Variants in TSPAN17 observed in about 807,000 individuals in gnomAD.
TSPAN17 encodes the protein tetraspanin 17.
A neutral mutation model predicts 40.5 loss-of-function variants in TSPAN17; 33 were observed. The ratio of observed to expected loss-of-function variants is 0.81; its 90% CI spans 0.62 to 1.09. TSPAN17 has a LOEUF of 1.09. Among genes scored for constraint, TSPAN17 ranks in the 50% least tolerant of loss-of-function variants. The probability of loss-of-function intolerance (pLI) is 0.00; values close to 1 mark genes in which losing one functional copy is unlikely to be tolerated. For synonymous variants in TSPAN17, 166 were observed against 169.4 expected (o/e 0.98, Z 0.15); for missense variants, 365 against 416.8 (o/e 0.88, Z 1.08).
At position 176,651,994 on chromosome 5, in the gene TSPAN17, AT is replaced by A; in HGVS notation, c.285+96del. On this transcript the variant is annotated intron_variant, in intron 3 of 8. Coordinates refer to ENST00000508164, the MANE Select transcript of TSPAN17 (RefSeq NM_130465.5). This position sits in a 1 kb window ranked among gnomAD's most constrained non-coding sequence, Gnocchi z 4.5. Reference sequence around the variant, plus strand: ...GAGCTTAATGATGGGTAGCTTTATTATTATGCTATAATCGTCATCGTTAGAT... The same window carrying A: ...GAGCTTAATGATGGGTAGCTTTATTATATGCTATAATCGTCATCGTTAGAT... 6.7e-7 allele frequency: 1 copy of A among 1,502,060 alleles called. No homozygotes were observed. Among genetic ancestry groups the A allele is most frequent in the Non-Finnish European group, 9.1e-7 (1 of 1,104,328 alleles). The allele number at this position is 1,502,060 out of a possible 1,614,324, so 93.0% of individuals were successfully genotyped here. A position where few individuals can be genotyped will look rare whatever the true frequency, so the allele number is the denominator to read the frequency against.
Position 176,654,699 on chromosome 5 carries a change from C to T in TSPAN17, c.457-196C>T. The T allele has an allele frequency of 1.6e-6, 1 of 616,358 alleles. No individual in the cohort carries two copies. The highest frequency in any genetic ancestry group is 2.8e-6 in the Non-Finnish European group (1 of 358,500). The allele number at this position is 616,358 out of a possible 1,614,324, so 38.2% of individuals were successfully genotyped here. A position where few individuals can be genotyped will look rare whatever the true frequency, so the allele number is the denominator to read the frequency against. Reference sequence around the variant, plus strand: ...CGGGGAAGGGGGAGCTCAGTGTCCCCTCCCTTGCACCCCTCTGCCTCCACC... The same window carrying T: ...CGGGGAAGGGGGAGCTCAGTGTCCCTTCCCTTGCACCCCTCTGCCTCCACC... On this transcript the variant is annotated intron_variant, in intron 4 of 8. Transcript: ENST00000508164. The surrounding 1 kb of genome is among the most constrained non-coding windows in gnomAD (Gnocchi z 4.3).
chr5:176,656,123 C>A lies in TSPAN17; in HGVS notation c.628C>A (p.Leu210Met), dbSNP rs1163355920. ...TQCGYDVRLK[L>M]ELEQQGFIHT... ...GTGTGGCTACGACGTCCGGCTCAAA[C>A]TGGTGAGAGGGGTAGGAACCGGGCT... Residue 210 changes from leucine (L) to methionine (M), a missense_variant and splice_region_variant, in exon 6 of 9, where the codon CTG becomes ATG. Leu to Met is a conservative substitution (Grantham distance 15, BLOSUM62 2). Transcript: ENST00000508164. 5 of 1,614,140 alleles carry A rather than the reference C, an allele frequency of 3.1e-6. No homozygotes were observed. The highest frequency in any genetic ancestry group is 4.2e-6 in the Non-Finnish European group (5 of 1,180,012).
intron 4 of TSPAN17, 29 bp downstream of exon 4, chr5:176,652,942 T>C: frequency 6.2e-7 from 1 of 1,608,882 alleles, no homozygotes; most frequent in Non-Finnish European, 8.5e-7. Flanking sequence ...CTGGGACACC[T>C]GTAGGAGGCG....
In TSPAN17 at chr5:176,657,977, A is replaced by T; in HGVS notation, c.*279A>T. 1 of 352,684 alleles carries T rather than the reference A, an allele frequency of 2.8e-6. No homozygotes were observed. The allele number at this position is 352,684 out of a possible 1,614,324, so 21.8% of individuals were successfully genotyped here. A position where few individuals can be genotyped will look rare whatever the true frequency, so the allele number is the denominator to read the frequency against. On this transcript the variant is annotated 3_prime_UTR_variant, in exon 9 of 9. Coordinates refer to ENST00000508164, the MANE Select transcript of TSPAN17 (RefSeq NM_130465.5). ...GGAGAGGCTGGACCCCGCTTTGAAGAGGGTGCAGCCTGGGAAGGGCGGCCT... is the reference window on the plus strand; with the variant it reads ...GGAGAGGCTGGACCCCGCTTTGAAGTGGGTGCAGCCTGGGAAGGGCGGCCT...
At position 176,657,903 on chromosome 5, in the gene TSPAN17, C is replaced by A; in HGVS notation, c.*205C>A. On this transcript the variant is annotated 3_prime_UTR_variant, in exon 9 of 9. Transcript: ENST00000508164. Reference sequence around the variant, plus strand: ...CTCTGCAGGGTTATTCCCTGCACCTCGAGGCCGCTGCGGGCCAATCTGGAG... The same window carrying A: ...CTCTGCAGGGTTATTCCCTGCACCTAGAGGCCGCTGCGGGCCAATCTGGAG... The A allele has an allele frequency of 1.1e-6, 1 of 881,362 alleles. No individual in the cohort carries two copies. The highest frequency in any genetic ancestry group is 1.6e-6 in the Non-Finnish European group (1 of 628,838). The allele number at this position is 881,362 out of a possible 1,614,324, so 54.6% of individuals were successfully genotyped here. A position where few individuals can be genotyped will look rare whatever the true frequency, so the allele number is the denominator to read the frequency against.
chr5:176,652,842 A>T lies in TSPAN17; in HGVS notation c.385A>T (p.Ile129Phe). The change falls in exon 4 of 9, where the codon ATC becomes TTC. Residue 129 changes from isoleucine to phenylalanine, a missense_variant. Coordinates refer to ENST00000508164, the MANE Select transcript of TSPAN17 (RefSeq NM_130465.5). Reference protein sequence around the residue: ...DWIRDQLNLFINNNVKAYRDD... With the variant: ...DWIRDQLNLFFNNNVKAYRDD... ...GATTCGAGACCAGCTCAACCTCTTCATCAACAACAACGTCAAGGCCTACCG... is the reference window on the plus strand; with the variant it reads ...GATTCGAGACCAGCTCAACCTCTTCTTCAACAACAACGTCAAGGCCTACCG... 6.2e-7 allele frequency: 1 copy of T among 1,614,126 alleles called. No homozygotes were observed. Among genetic ancestry groups the T allele is most frequent in the Non-Finnish European group, 8.5e-7 (1 of 1,180,008 alleles).
Position 176,647,630 on chromosome 5 carries a change from C to T in TSPAN17, c.15C>T (p.His5=), listed in dbSNP as rs774320103. The change falls in exon 1 of 9, where the codon CAC becomes CAT. Residue 5 remains histidine, a synonymous_variant. Coordinates refer to ENST00000508164, the MANE Select transcript of TSPAN17 (RefSeq NM_130465.5). ...GGCCGCTCACCATGCCCGGCAAGCACCAGCATTTCCAGGAACCTGAGGTCG... is the reference window on the plus strand; with the variant it reads ...GGCCGCTCACCATGCCCGGCAAGCATCAGCATTTCCAGGAACCTGAGGTCG... MPGK[H]QHFQEPEVGC... 6.9e-6 allele frequency: 11 copies of T among 1,588,512 alleles called. No homozygotes were observed. The South Asian group carries it at 1.1e-4, about 17-fold the overall frequency.
intron 1 of TSPAN17, among the ~76,000 whole-genome samples, chr5:176,649,548 C>T (rs915030462): frequency 3.3e-5 from 5 of 152,072 alleles, no homozygotes; most frequent in Non-Finnish European, 7.4e-5. Context: ...CTGCCTCAGC[C>T]TCCCAAGTAG....
In TSPAN17 at chr5:176,654,721, C is replaced by T; in HGVS notation, c.457-174C>T. On this transcript the variant is annotated intron_variant, in intron 4 of 8. Transcript: ENST00000508164. The surrounding 1 kb of genome is among the most constrained non-coding windows in gnomAD (Gnocchi z 4.3). ...CCCCTCCCTTGCACCCCTCTGCCTC[C>T]ACCAGCCTGGAGGTTGGGCCCAGGC... 1 of 736,788 alleles carries T rather than the reference C, an allele frequency of 1.4e-6. No individual in the cohort carries two copies. The highest frequency in any genetic ancestry group is 1.9e-5 in the South Asian group (1 of 52,780). The allele number at this position is 736,788 out of a possible 1,614,324, so 45.6% of individuals were successfully genotyped here. A position where few individuals can be genotyped will look rare whatever the true frequency, so the allele number is the denominator to read the frequency against.
chr5:176,656,578 G>A, intron 6 of TSPAN17, 122 bp from the exon 7 acceptor site: 2 of 893,840 alleles, frequency 2.2e-6, no homozygotes, highest in South Asian at 1.5e-5. Flanking sequence ...CTTTGTGGAG[G>A]GACTGTGGGG....
chr5:176,657,638 C>T lies in TSPAN17; in HGVS notation c.930C>T (p.Ser310=), dbSNP rs1214381859. Residue 310 remains serine (S), a synonymous_variant, in exon 9 of 9, where the codon AGC becomes AGT. Transcript: ENST00000508164. ...GGGCCCCTGGCCCGGCCCCACCCAG[C>T]CGACATGTTTTCTTTGGCCTGGGTG... ...LTGAPGPAPP[S]RHVFFGLGGL... is the part of the protein sequence containing the mutation. 6.2e-7 allele frequency: 1 copy of T among 1,611,896 alleles called. No individual in the cohort carries two copies. Among genetic ancestry groups the T allele is most frequent in the South Asian group, 1.1e-5 (1 of 90,726 alleles).
chr5:176,649,746 A>G (rs1394787131), intron 1 of TSPAN17, among the ~76,000 whole-genome samples: 1 of 151,692 alleles, frequency 6.6e-6, no homozygotes, highest in East Asian at 2.0e-4. Context: ...GTGGTTTCTT[A>G]CTGCTCCTAG....
intron 6 of TSPAN17, 24 bp downstream of exon 6, chr5:176,656,149 G>A: frequency 6.2e-7 from 1 of 1,613,630 alleles, no homozygotes; most frequent in South Asian, 1.1e-5. Flanking sequence ...GAACCGGGCT[G>A]GGGCAGGCAG....
In TSPAN17 at chr5:176,657,707, T is replaced by G; in HGVS notation, c.*9T>G. The G allele has an allele frequency of 6.4e-7, 1 of 1,551,996 alleles. No individual in the cohort carries two copies. The highest frequency in any genetic ancestry group is 8.7e-7 in the Non-Finnish European group (1 of 1,154,396). On this transcript the variant is annotated 3_prime_UTR_variant, in exon 9 of 9. Transcript: ENST00000508164. ...CCTTTAAAAATTGGTAGATTTCACATAAAAGTCCAGATCCACAGCTTCTCT... is the reference window on the plus strand; with the variant it reads ...CCTTTAAAAATTGGTAGATTTCACAGAAAAGTCCAGATCCACAGCTTCTCT...
intron 5 of TSPAN17, among the ~76,000 whole-genome samples, chr5:176,655,381 G>A (rs929827390): frequency 6.6e-6 from 1 of 152,182 alleles, no homozygotes; most frequent in East Asian, 1.9e-4. Flanking sequence ...TGTATGTGAC[G>A]GGGGTTGCCT....
Position 176,647,580 on chromosome 5 carries a change from G to T in TSPAN17, c.-36G>T. ...CCGCGGGGCGCTGGGCCTGGCTCCC[G>T]GCTCCGGTTTCCGGGCCGGCGGGTG... On this transcript the variant is annotated 5_prime_UTR_variant, in exon 1 of 9. Coordinates refer to ENST00000508164, the MANE Select transcript of TSPAN17 (RefSeq NM_130465.5). The T allele has an allele frequency of 6.5e-7, 1 of 1,546,982 alleles. No individual in the cohort carries two copies. The highest frequency in any genetic ancestry group is 8.7e-7 in the Non-Finnish European group (1 of 1,148,664).
chr5:176,649,577 G>A (rs1346193712), intron 1 of TSPAN17, among the ~76,000 whole-genome samples: 1 of 152,098 alleles, frequency 6.6e-6, no homozygotes, highest in Admixed American at 6.5e-5. Flanking sequence ...ATAGGTGTGT[G>A]CCACCACGCC....
Position 176,657,758 on chromosome 5 carries a change from G to T in TSPAN17, c.*60G>T. ...TGAAGAATGACCACCTGGCTACGCC[G>T]GCTCTTCGGTGGCAACACTACCTGG... On this transcript the variant is annotated 3_prime_UTR_variant, in exon 9 of 9. Transcript: ENST00000508164. 6.6e-7 allele frequency: 1 copy of T among 1,521,544 alleles called. No individual in the cohort carries two copies. The allele number at this position is 1,521,544 out of a possible 1,614,324, so 94.3% of individuals were successfully genotyped here. A position where few individuals can be genotyped will look rare whatever the true frequency, so the allele number is the denominator to read the frequency against.
chr5:176,657,558 CCCA>C lies in TSPAN17; in HGVS notation c.854_856del (p.Thr285del). 3 of 1,611,854 alleles carry C rather than the reference CCCA, an allele frequency of 1.9e-6. No homozygotes were observed. Among genetic ancestry groups the C allele is most frequent in the Non-Finnish European group, 2.5e-6 (3 of 1,178,780 alleles). On this transcript the variant is annotated inframe_deletion, in exon 9 of 9. Transcript: ENST00000508164. ...TGACTTTGAAAACCACTGGCTTACG[CCCA>C]CCATTTCCGAGGTCCTGTCCACGGC...
Sources: gnomAD v4.1 joint callset for allele counts (sites outside exome capture counted in the v4.1 genomes callset) on GRCh38, gnomAD v4.1.1 for gene constraint, Gnocchi (gnomAD v3.1) non-coding constraint, MANE v1.5 for transcripts, NCBI Gene and HGNC (gene_info 2026-07-23, HGNC 2026-07-21) for gene names.